The following BRI3 variants were observed in gnomAD, a reference collection of about 807,000 sequenced individuals.
BRI3 encodes the protein membrane protein BRI3.
Under a neutral mutation model 12.8 loss-of-function variants are expected in BRI3, and 6 were observed. The observed-to-expected ratio is 0.47, with a 90% CI of 0.26 to 0.93. The LOEUF is 0.93. BRI3 is among the 40% of genes least tolerant of loss of function. BRI3 has a pLI of 0.15. For missense variants in BRI3, 134 were observed against 171.1 expected (o/e 0.78, Z 1.21); for synonymous variants, 91 against 76.1 (o/e 1.20, Z -1.02).
chr7:98,317,204 T>C, the BRI3 span: 1 of 1,614,130 alleles, frequency 6.2e-7, no homozygotes, highest in African/African-American at 1.3e-5. Flanking sequence ...AACAAGATAT[T>C]GTTGAAAAGC....
downstream of BRI3, among the ~76,000 whole-genome samples, chr7:98,314,729 C>G (rs942891841): frequency 6.6e-6 from 1 of 152,022 alleles, no homozygotes; most frequent in East Asian, 1.9e-4. Context: ...GCCCGTGACC[C>G]CCGGACACGG....
chr7:98,292,688 T>C (rs746134068), downstream of BRI3: 2 of 1,551,612 alleles, frequency 1.3e-6, no homozygotes, highest in South Asian at 1.2e-5. Flanking sequence ...AGTCTGTACC[T>C]GATTCAAACA....
At chr7:98,305,052 T>TTG (rs1172951903), upstream of BRI3, among the ~76,000 whole-genome samples, 338 of 89,904 alleles carry the variant, frequency 3.8e-3, 1 homozygote, top group East Asian at 0.028. Flanking sequence ...TTTTTGTTTT[T>TTG]TTTTTTTTTT....
downstream of BRI3, chr7:98,293,671 C>A: frequency 1.4e-6 from 2 of 1,432,604 alleles, no homozygotes; most frequent in South Asian, 2.3e-5. Flanking sequence ...GCTAATAACC[C>A]GTTCTTGCCC....
At position 98,281,695 on chromosome 7, in the gene BRI3, C is replaced by G. The variant is rs951927899; in HGVS notation, c.-101C>G. 21 of 523,762 alleles carry G rather than the reference C, an allele frequency of 4.0e-5. No homozygotes were observed. The highest frequency in any genetic ancestry group is 9.4e-4 in the Middle Eastern group (1 of 1,062). 32.4% of individuals were successfully genotyped at this position (523,762 alleles called of 1,614,324 possible). ...GCCCCGCGTCTGCCTCAGAGGGGCC[C>G]GAGCCACCCGGTCCGCCGCGTCCCC... On this transcript the variant is annotated 5_prime_UTR_variant, in exon 1 of 3. Transcript: ENST00000297290.
downstream of BRI3, among the ~76,000 whole-genome samples, chr7:98,313,182 C>T (rs144963961): frequency 6.2e-4 from 93 of 150,028 alleles, no homozygotes; most frequent in African/African-American, 2.3e-3. Context: ...TCTGCAGCAC[C>T]GTGGACCAGC....
chr7:98,312,369 CAGG>C, downstream of BRI3: 1 of 1,298,790 alleles, frequency 7.7e-7, no homozygotes, highest in East Asian at 2.4e-5. Flanking sequence ...GGCTTAGCAC[CAGG>C]AGTGTGGGGG....
downstream of BRI3, among the ~76,000 whole-genome samples, chr7:98,311,556 A>T (rs145014567): frequency 2.1e-3 from 310 of 147,494 alleles, 2 homozygotes; most frequent in African/African-American, 7.0e-3. Flanking sequence ...CAAAAAAAAT[A>T]AAAAAAAAAC....
chr7:98,298,973 A>G (rs764535833), intron 1 of BRI3, among the ~76,000 whole-genome samples: 45 of 151,886 alleles, frequency 3.0e-4, no homozygotes, highest in Non-Finnish European at 4.1e-4. Context: ...TCCTGAGTAG[A>G]CTACAGGTAT....
rs1436402902 is a variant in BRI3, at chr7:98,291,181, T to C, written c.316T>C (p.Phe106Leu). ...GGCCATCATCCTCTTCCCCTTTGGG[T>C]TCATTTGCTGTTTTGCCTTGAGGAA... The part of the protein sequence containing the change: ...FLAIILFPFG[F>L]ICCFALRKRR... Residue 106 changes from phenylalanine (F) to leucine (L), a missense_variant, in exon 3 of 3, where the codon TTC becomes CTC. Coordinates refer to ENST00000297290, the MANE Select transcript of BRI3 (RefSeq NM_015379.5). 16 of 1,614,014 alleles carry C rather than the reference T, an allele frequency of 9.9e-6. No homozygotes were observed. In the Admixed American group the frequency reaches 1.5e-4, roughly 15 times the overall value.
the BRI3 span, among the ~76,000 whole-genome samples, chr7:98,318,859 G>A: frequency 4.0e-5 from 6 of 150,696 alleles, no homozygotes; most frequent in East Asian, 8.0e-4. Context: ...TAGGAGAATC[G>A]CTGGAACCCA....
chr7:98,294,046 T>A (rs776358441), downstream of BRI3: 5 of 1,612,032 alleles, frequency 3.1e-6, no homozygotes, highest in Admixed American at 3.3e-5. Context: ...TGTCACACAC[T>A]GAGGCTCACG....
downstream of BRI3, among the ~76,000 whole-genome samples, chr7:98,314,157 A>AT (rs1311456173): frequency 6.7e-6 from 1 of 150,150 alleles, no homozygotes; most frequent in Non-Finnish European, 1.5e-5. Context: ...TAATTTTTGT[A>AT]TTTTTAGTAG....
At position 98,308,361 on chromosome 7, in the gene BRI3, G is replaced by A. The variant is rs549711938; in HGVS notation, n.991G>A. On this transcript the variant is annotated non_coding_transcript_exon_variant, in exon 2 of 2. Coordinates refer to the BRI3 transcript ENST00000485422. ...TGCAGTTGGTCTTGCCATGCTGGCCGCTCAGCTTCTCACCCCCAGGCCTAA... is the reference window on the plus strand; with the variant it reads ...TGCAGTTGGTCTTGCCATGCTGGCCACTCAGCTTCTCACCCCCAGGCCTAA... The A allele has an allele frequency of 2.7e-3, 1,217 of 445,254 alleles. 4 individuals are homozygous for A. The highest frequency in any genetic ancestry group is 3.4e-3 in the Non-Finnish European group (751 of 220,450). The allele number at this position is 445,254 out of a possible 1,614,324, so 27.6% of individuals were successfully genotyped here.
At chr7:98,302,977 G>A (rs1257441649), upstream of BRI3, among the ~76,000 whole-genome samples, 1 of 151,982 alleles carries the variant, frequency 6.6e-6, no homozygotes, top group Non-Finnish European at 1.5e-5. Flanking sequence ...GTCTACATAG[G>A]GTTTTGCTAT....
At chr7:98,315,900 T>G in the BRI3 span, among the ~76,000 whole-genome samples, 2 of 152,198 alleles carry the variant, frequency 1.3e-5, no homozygotes, top group Non-Finnish European at 2.9e-5. Flanking sequence ...CGTGTCCTAC[T>G]GGAAAGCACC....
chr7:98,315,039 G>A (rs1490814925), downstream of BRI3, among the ~76,000 whole-genome samples: 2 of 152,198 alleles, frequency 1.3e-5, no homozygotes, highest in African/African-American at 4.8e-5. Flanking sequence ...CAGTTTCTCT[G>A]GAATCTTTTC....
chr7:98,284,291 C>T (rs188695860), intron 2 of BRI3, among the ~76,000 whole-genome samples: 10 of 152,366 alleles, frequency 6.6e-5, no homozygotes, highest in Admixed American at 5.9e-4. Context: ...CCAGCACACA[C>T]GTCCCTGCGC....
upstream of BRI3, among the ~76,000 whole-genome samples, chr7:98,304,031 G>C (rs1800532756): frequency 6.6e-6 from 1 of 152,174 alleles, no homozygotes; most frequent in Non-Finnish European, 1.5e-5. Context: ...ACAAAGAAGG[G>C]AATCTAGAGG....
Sources: gnomAD v4.1 joint callset for allele counts (sites outside exome capture counted in the v4.1 genomes callset) on GRCh38, gnomAD v4.1.1 for gene constraint, MANE v1.5 for transcripts, NCBI Gene and HGNC (gene_info 2026-07-23, HGNC 2026-07-21) for gene names.